The following CFAP97D2 variants were observed in gnomAD, a reference collection of about 807,000 sequenced individuals.
The protein encoded by CFAP97D2 is CFAP97 domain containing 2.
At chr13:114,209,291 G>A (rs1178567325) in intron 3 of CFAP97D2, among the ~76,000 whole-genome samples, 1 of 152,178 alleles carries the variant, frequency 6.6e-6, no homozygotes, top group Non-Finnish European at 1.5e-5. Flanking sequence ...TTTAAGCACA[G>A]TAAAAGAAAG....
At chr13:114,192,747 T>G (rs1176466878) in intron 1 of CFAP97D2, among the ~76,000 whole-genome samples, 1 of 152,168 alleles carries the variant, frequency 6.6e-6, no homozygotes, top group Admixed American at 6.5e-5. Context: ...AAACAAAATC[T>G]GAAGCACACT....
Position 114,203,365 on chromosome 13 carries a change from A to T in CFAP97D2, c.290+2922A>T, listed in dbSNP as rs955279991. 6.6e-6 allele frequency among the ~76,000 whole-genome samples: 1 copy of T among 152,244 alleles called. No homozygotes were observed. The highest frequency in any genetic ancestry group is 2.1e-4 in the South Asian group (1 of 4,832). On this transcript the variant is annotated intron_variant, in intron 3 of 4. Coordinates refer to ENST00000646158, the Ensembl canonical transcript of CFAP97D2. The surrounding 1 kb of genome is among the most constrained non-coding windows in gnomAD (Gnocchi z 4.3). ...CTTAGGAATAAACAAAGGAAGTACA[A>T]AATTTATACTCCAAAAACTACAAAC... is the stretch of plus-strand genomic sequence containing the variant.
Position 114,184,092 on chromosome 13 carries a change from A to G in CFAP97D2, c.90+4672A>G, listed in dbSNP as rs2080846694. ...CTTGAGCCCAGGAGTTTGAGGCTGC[A>G]GGGAGCCATGATCACTCCACTGCAT... On this transcript the variant is annotated intron_variant, in intron 1 of 4. Transcript: ENST00000646158. Among the ~76,000 whole-genome samples, 3 of 152,204 alleles carry G rather than the reference A, an allele frequency of 2.0e-5. No individual in the cohort carries two copies. The South Asian group carries it at 6.2e-4, about 32-fold the overall frequency.
chr13:114,194,431 G>C (rs914501241), intron 1 of CFAP97D2, among the ~76,000 whole-genome samples: 1 of 152,214 alleles, frequency 6.6e-6, no homozygotes, highest in Non-Finnish European at 1.5e-5. Flanking sequence ...ATTGCAGGGA[G>C]AAAAACAGGG....
At chr13:114,222,624 G>A (rs1191901265), downstream of CFAP97D2, 9 of 397,584 alleles carry the variant, frequency 2.3e-5, no homozygotes, top group African/African-American at 1.9e-4. This position sits in a 1 kb window ranked among gnomAD's most constrained non-coding sequence, Gnocchi z 4.4. Flanking sequence ...TCACAAGGAA[G>A]ACCCACAAGG....
At position 114,211,141 on chromosome 13, in the gene CFAP97D2, G is replaced by A. The variant is rs2080965041; in HGVS notation, c.291-771G>A. ...AAACTCTCAGCCCTAACCCTGGTGG[G>A]TTCTTTACTTCGTGCTCCTCTGTGC... On this transcript the variant is annotated intron_variant, in intron 3 of 4. Transcript: ENST00000646158. The surrounding 1 kb of genome is among the most constrained non-coding windows in gnomAD (Gnocchi z 4.2). Among the ~76,000 whole-genome samples, 1 of 152,128 alleles carries A rather than the reference G, an allele frequency of 6.6e-6. No homozygotes were observed. The highest frequency in any genetic ancestry group is 2.4e-5 in the African/African-American group (1 of 41,422).
At chr13:114,210,034 T>G (rs759913055) in intron 3 of CFAP97D2, among the ~76,000 whole-genome samples, 20 of 152,232 alleles carry the variant, frequency 1.3e-4, no homozygotes, top group Non-Finnish European at 1.3e-4. Flanking sequence ...GAAATTTAAC[T>G]ATCATTTCAT....
At chr13:114,179,270 G>T, upstream of CFAP97D2, 1 of 398,558 alleles carries the variant, frequency 2.5e-6, no homozygotes, top group African/African-American at 2.1e-5. The surrounding 1 kb of genome is among the most constrained non-coding windows in gnomAD (Gnocchi z 4.8). Flanking sequence ...GCGTCTCCAG[G>T]TCTGCACCAG....
chr13:114,183,452 GCCA>G (rs2080844455), intron 1 of CFAP97D2, among the ~76,000 whole-genome samples: 1 of 152,086 alleles, frequency 6.6e-6, no homozygotes, highest in African/African-American at 2.4e-5. Context: ...ACAGGTGTGA[GCCA>G]CCACACCCGG....
rs559788428 is a variant in CFAP97D2 at position 114,208,574 on chromosome 13, C to T, written c.291-3338C>T. 2.6e-5 allele frequency among the ~76,000 whole-genome samples: 4 copies of T among 152,292 alleles called. No individual in the cohort carries two copies. The East Asian group carries it at 7.7e-4, about 29-fold the overall frequency. ...GTATGAATAATGTTCCAAAAATAAG[C>T]ACCAACTGTAATATCTGAAGTTTCT... On this transcript the variant is annotated intron_variant, in intron 3 of 4. Transcript: ENST00000646158.
At chr13:114,204,597 C>T (rs2080931475) in intron 3 of CFAP97D2, among the ~76,000 whole-genome samples, 1 of 152,174 alleles carries the variant, frequency 6.6e-6, no homozygotes, top group Admixed American at 6.5e-5. Context: ...AATAGTCTTT[C>T]CACAAATGCT....
At chr13:114,202,933 CAGAG>C (rs976095011) in intron 3 of CFAP97D2, among the ~76,000 whole-genome samples, 13 of 152,180 alleles carry the variant, frequency 8.5e-5, no homozygotes, top group African/African-American at 2.4e-4. Flanking sequence ...GGGTGTCACT[CAGAG>C]AGAAGATCGC....
chr13:114,208,370 G>A (rs2080950999), intron 3 of CFAP97D2, among the ~76,000 whole-genome samples: 2 of 152,202 alleles, frequency 1.3e-5, no homozygotes, highest in Admixed American at 1.3e-4. Context: ...TGAAAGCAGT[G>A]TGCTTAAATG....
intron 3 of CFAP97D2, among the ~76,000 whole-genome samples, chr13:114,210,239 C>T (rs973794566): frequency 3.0e-4 from 46 of 152,176 alleles, no homozygotes; most frequent in Middle Eastern, 3.2e-3. Flanking sequence ...TTGAACACCA[C>T]TTCAATGGGT....
chr13:114,208,881 A>G (rs1231983686), intron 3 of CFAP97D2, among the ~76,000 whole-genome samples: 1 of 152,196 alleles, frequency 6.6e-6, no homozygotes, highest in Non-Finnish European at 1.5e-5. Flanking sequence ...GGGCTGCCAG[A>G]AACCACAAGA....
intron 1 of CFAP97D2, among the ~76,000 whole-genome samples, chr13:114,191,543 G>A (rs1050136184): frequency 1.3e-5 from 2 of 152,148 alleles, no homozygotes; most frequent in African/African-American, 2.4e-5. Flanking sequence ...ATGCATGAGG[G>A]AAATGCAAAT....
At chr13:114,182,803 G>C (rs1363272341) in intron 1 of CFAP97D2, among the ~76,000 whole-genome samples, 1 of 152,142 alleles carries the variant, frequency 6.6e-6, no homozygotes, top group Admixed American at 6.5e-5. Context: ...AAAGTGGCTG[G>C]GGCAAAGCTA....
At position 114,206,300 on chromosome 13, in the gene CFAP97D2, G is replaced by A. The variant is rs965520004; in HGVS notation, c.291-5612G>A. Reference sequence around the variant, plus strand: ...GTATCTTTAGTAGAGACAGGGTTTCGCCATGTTGGCCAGGCTGGTCTTGAA... The same window carrying A: ...GTATCTTTAGTAGAGACAGGGTTTCACCATGTTGGCCAGGCTGGTCTTGAA... On this transcript the variant is annotated intron_variant, in intron 3 of 4. Coordinates refer to ENST00000646158, the Ensembl canonical transcript of CFAP97D2. 4.6e-5 allele frequency among the ~76,000 whole-genome samples: 7 copies of A among 152,072 alleles called. No homozygotes were observed. The East Asian group carries it at 1.4e-3, about 29-fold the overall frequency.
chr13:114,211,152 C>T lies in CFAP97D2; in HGVS notation c.291-760C>T, dbSNP rs187832774. Among the ~76,000 whole-genome samples, 30 of 152,306 alleles carry T rather than the reference C, an allele frequency of 2.0e-4. No individual in the cohort carries two copies. The highest frequency in any genetic ancestry group is 8.8e-5 in the Non-Finnish European group (6 of 68,024). ...CCTAACCCTGGTGGGTTCTTTACTTCGTGCTCCTCTGTGCTCCACAGCCAG... is the reference window on the plus strand; with the variant it reads ...CCTAACCCTGGTGGGTTCTTTACTTTGTGCTCCTCTGTGCTCCACAGCCAG... On this transcript the variant is annotated intron_variant, in intron 3 of 4. Transcript: ENST00000646158. This position sits in a 1 kb window ranked among gnomAD's most constrained non-coding sequence, Gnocchi z 4.2.
Sources: gnomAD v4.1 joint callset for allele counts (sites outside exome capture counted in the v4.1 genomes callset) on GRCh38, gnomAD v4.1.1 for gene constraint, Gnocchi (gnomAD v3.1) non-coding constraint, MANE v1.5 for transcripts, NCBI Gene and HGNC (gene_info 2026-07-23, HGNC 2026-07-21) for gene names.